The following TLN2 variants were observed in gnomAD, a reference collection of about 807,000 sequenced individuals.
The protein encoded by TLN2 is talin 2, also known as talin-2.
Under a neutral mutation model 294.7 loss-of-function variants are expected in TLN2, and 118 were observed. The ratio of observed to expected loss-of-function variants is 0.40; its 90% CI spans 0.34 to 0.47. TLN2 has a LOEUF of 0.47. TLN2 is among the 20% of genes least tolerant of loss of function. TLN2 has a pLI of 0.84. For missense variants in TLN2, 3,083 were observed against 3,282.2 expected, an observed-to-expected ratio of 0.94 and a Z score of 1.48; for synonymous variants, 1,431 against 1,304.5, an observed-to-expected ratio of 1.10 and a Z score of -2.09.
At chr15:62,517,637 T>G (rs1286642023) in intron 1 of TLN2, among the ~76,000 whole-genome samples, 1 of 152,204 alleles carries the variant, frequency 6.6e-6, no homozygotes, top group East Asian at 1.9e-4. Flanking sequence ...GGACTCTACT[T>G]ACATTCTAAT....
intron 1 of TLN2, among the ~76,000 whole-genome samples, chr15:62,498,379 G>C (rs2039129037): frequency 6.6e-6 from 1 of 152,138 alleles, no homozygotes; most frequent in African/African-American, 2.4e-5. Flanking sequence ...TCACTGGTCA[G>C]TTCCCCAAGG....
intron 1 of TLN2, among the ~76,000 whole-genome samples, chr15:62,482,731 TAA>T (rs34652592): frequency 2.7e-5 from 4 of 150,890 alleles, no homozygotes; most frequent in Non-Finnish European, 5.9e-5. Flanking sequence ...ACAAAAGAGT[TAA>T]AAAAAAATGG....
chr15:62,547,210 A>G (rs2042042788), intron 1 of TLN2, among the ~76,000 whole-genome samples: 1 of 152,156 alleles, frequency 6.6e-6, no homozygotes, highest in African/African-American at 2.4e-5. Context: ...TCATTTCTCT[A>G]CTTTGTTGAA....
chr15:62,825,858 AT>A (rs1263622007), intron 54 of TLN2, among the ~76,000 whole-genome samples: 15 of 87,032 alleles, frequency 1.7e-4, no homozygotes, highest in African/African-American at 6.7e-4. Flanking sequence ...TATATTATAT[AT>A]ATATATATTT....
intron 54 of TLN2, 69 bp downstream of exon 54, chr15:62,820,679 G>T: frequency 1.3e-6 from 2 of 1,564,076 alleles, no homozygotes; most frequent in Non-Finnish European, 1.7e-6. Flanking sequence ...GTGAAATGGA[G>T]CTAGGAGTGC....
chr15:62,465,026 C>G (rs1225900840), intron 1 of TLN2, among the ~76,000 whole-genome samples: 1 of 151,858 alleles, frequency 6.6e-6, no homozygotes, highest in Non-Finnish European at 1.5e-5. Context: ...TTTTTTCCCC[C>G]CTTAAATGAT....
chr15:62,412,446 G>C (rs566411644), intron 1 of TLN2, among the ~76,000 whole-genome samples: 16 of 152,190 alleles, frequency 1.1e-4, no homozygotes, highest in African/African-American at 3.9e-4. Context: ...GGTGCTAGCT[G>C]TCCTTCTGTT....
intron 2 of TLN2, among the ~76,000 whole-genome samples, chr15:62,610,012 C>G (rs1451697969): frequency 6.6e-6 from 1 of 152,322 alleles, no homozygotes; most frequent in African/African-American, 2.4e-5. Flanking sequence ...TCTTTACTTT[C>G]TGGTATAATA....
intron 44 of TLN2, 75 bp downstream of exon 44, chr15:62,781,316 C>T: frequency 8.6e-7 from 1 of 1,165,844 alleles, no homozygotes; most frequent in Non-Finnish European, 1.3e-6. Context: ...CCTGCAAATC[C>T]CAGATCTGTG....
intron 27 of TLN2, among the ~76,000 whole-genome samples, chr15:62,725,954 A>T (rs947347126): frequency 6.6e-6 from 1 of 152,216 alleles, no homozygotes; most frequent in Non-Finnish European, 1.5e-5. Flanking sequence ...CTCAGAAAAT[A>T]TGTGTTAAAT....
chr15:62,662,485 A>C (rs1268166615), intron 9 of TLN2, among the ~76,000 whole-genome samples: 1 of 152,236 alleles, frequency 6.6e-6, no homozygotes, highest in Non-Finnish European at 1.5e-5. Context: ...TCTTCCTCAC[A>C]AAAGTTGATC....
chr15:62,789,751 T>A (rs1246842410), intron 45 of TLN2, among the ~76,000 whole-genome samples: 1 of 152,212 alleles, frequency 6.6e-6, no homozygotes, highest in Non-Finnish European at 1.5e-5. Context: ...ACAGAGAAGT[T>A]TGAGAGCCTG....
intron 1 of TLN2, among the ~76,000 whole-genome samples, chr15:62,394,324 A>G (rs180912739): frequency 6.6e-6 from 1 of 152,262 alleles, no homozygotes; most frequent in Admixed American, 6.5e-5. Flanking sequence ...TGTTTTCCTG[A>G]TGATTTTGAG....
chr15:62,691,151 G>T (rs115304410), intron 12 of TLN2, among the ~76,000 whole-genome samples: 1 of 151,918 alleles, frequency 6.6e-6, no homozygotes, highest in African/African-American at 2.4e-5. Flanking sequence ...CACTAATTTG[G>T]GGAAGTTTTC....
chr15:62,453,342 T>C (rs1300627867), intron 1 of TLN2, among the ~76,000 whole-genome samples: 3 of 152,102 alleles, frequency 2.0e-5, no homozygotes, highest in Non-Finnish European at 4.4e-5. Flanking sequence ...TGTCATTTGT[T>C]CTTCAGAGAA....
At position 62,633,825 on chromosome 15, in the gene TLN2, G is replaced by A. The variant is rs377189115; in HGVS notation, c.-36-13450G>A. On this transcript the variant is annotated intron_variant, in intron 3 of 58. Coordinates refer to ENST00000636159, the MANE Select transcript of TLN2 (RefSeq NM_015059.3). ...GTGGCTTAAATAACAAAAATTTATT[G>A]TCTCACAGTTCTGGAGGCTGGAAGT... Among the ~76,000 whole-genome samples, 241 of 152,252 alleles carry A rather than the reference G, an allele frequency of 1.6e-3. 7 individuals are homozygous for A. The South Asian group carries it at 0.048, about 31-fold the overall frequency.
intron 9 of TLN2, among the ~76,000 whole-genome samples, chr15:62,669,445 G>A (rs2140994101): frequency 6.6e-6 from 1 of 152,298 alleles, no homozygotes; most frequent in East Asian, 1.9e-4. Context: ...CTGGAATAGA[G>A]GATCTGCTAT....
Position 62,512,331 on chromosome 15 carries a change from G to A in TLN2, c.-237-77356G>A, listed in dbSNP as rs189181998. Among the ~76,000 whole-genome samples the A allele has an allele frequency of 1.3e-4, 20 of 152,068 alleles. No homozygotes were observed. The East Asian group carries it at 3.3e-3, about 25-fold the overall frequency. ...GAAGAGGCTCACTTCTGGACCTCTC[G>A]GTTCAGAAATCTGCTCTCTCTTAGT... On this transcript the variant is annotated intron_variant, in intron 1 of 58. Coordinates refer to ENST00000636159, the MANE Select transcript of TLN2 (RefSeq NM_015059.3).
chr15:62,470,350 A>T (rs1194931910), intron 1 of TLN2, among the ~76,000 whole-genome samples: 3 of 152,234 alleles, frequency 2.0e-5, no homozygotes, highest in African/African-American at 7.2e-5. Flanking sequence ...CAGTGAGGAA[A>T]ACGAGACCCT....
Sources: gnomAD v4.1 joint callset for allele counts (sites outside exome capture counted in the v4.1 genomes callset) on GRCh38, gnomAD v4.1.1 for gene constraint, MANE v1.5 for transcripts, NCBI Gene and HGNC (gene_info 2026-07-23, HGNC 2026-07-21) for gene names.